PNLIPRP3: variants seen among roughly 807,000 people sequenced by gnomAD.
PNLIPRP3 encodes pancreatic lipase-related protein 3.
A neutral mutation model predicts 52.8 loss-of-function variants in PNLIPRP3; 58 were observed. That is an observed-to-expected ratio of 1.10 (90% confidence interval 0.89 to 1.37). The LOEUF (loss-of-function observed/expected upper bound fraction) is 1.37. Among genes scored for constraint, PNLIPRP3 ranks in the 40% most tolerant of loss-of-function variants. The pLI is 0.00. For missense variants in PNLIPRP3, 593 were observed against 561.6 expected, an observed-to-expected ratio of 1.06 and a Z score of -0.57; for synonymous variants, 192 against 185.0, an observed-to-expected ratio of 1.04 and a Z score of -0.31.
At chr10:116,428,150 A>G (rs1351690801) in intron 1 of PNLIPRP3, 89 bp downstream of exon 1, 1 of 927,774 alleles carries the variant, frequency 1.1e-6, no homozygotes, top group African/African-American at 1.7e-5. Context: ...TTCTTTAGAA[A>G]TTACTATTGC....
intron 4 of PNLIPRP3, among the ~76,000 whole-genome samples, chr10:116,453,436 T>C (rs960523398): frequency 1.3e-5 from 2 of 152,126 alleles, no homozygotes; most frequent in African/African-American, 2.4e-5. Context: ...GATTGTATTT[T>C]GCAATGTGAA....
intron 8 of PNLIPRP3, among the ~76,000 whole-genome samples, chr10:116,466,540 C>G (rs1846284620): frequency 1.3e-5 from 2 of 152,146 alleles, no homozygotes; most frequent in Non-Finnish European, 2.9e-5. Context: ...CTGAACCAAT[C>G]AATAGCTACA....
At chr10:116,469,580 C>T (rs1589990993) in intron 9 of PNLIPRP3, among the ~76,000 whole-genome samples, 2 of 152,072 alleles carry the variant, frequency 1.3e-5, no homozygotes, top group African/African-American at 2.4e-5. Flanking sequence ...GAGAGCCTTT[C>T]GAGGAAAAGA....
chr10:116,462,052 A>C (rs1335329524), intron 7 of PNLIPRP3, among the ~76,000 whole-genome samples: 1 of 152,178 alleles, frequency 6.6e-6, no homozygotes, highest in East Asian at 1.9e-4. Context: ...TTTCACTCAA[A>C]TGAGATAGGA....
chr10:116,461,071 T>C lies in PNLIPRP3; in HGVS notation c.671T>C (p.Ile224Thr). 6.2e-7 allele frequency: 1 copy of C among 1,614,192 alleles called. No individual in the cohort carries two copies. Among genetic ancestry groups the C allele is most frequent in the Non-Finnish European group, 8.5e-7 (1 of 1,180,034 alleles). Reference protein sequence around the residue: ...VDVIHTNAARILFELGVGTID... With the variant: ...VDVIHTNAARTLFELGVGTID... ...GTTATTCATACAAATGCAGCTCGCA[T>C]CCTCTTTGAGCTTGGTAAGTTTTAA... is the stretch of plus-strand genomic sequence containing the variant. The change falls in exon 6 of 12, where the codon ATC becomes ACC. Residue 224 changes from isoleucine to threonine, a missense_variant. Ile to Thr is a moderately conservative substitution (Grantham distance 89). Transcript: ENST00000369230.
In PNLIPRP3 at chr10:116,471,756, C is replaced by G. The variant is rs774330560; in HGVS notation, c.1061-12C>G. ...CTTTCTCTCCCTTTCCTTCTTGTTT[C>G]CTTATATCTAGGTTGGAGGCACAAA... On this transcript the variant is annotated splice_polypyrimidine_tract_variant and intron_variant, in intron 9 of 11. Transcript: ENST00000369230. 2 of 1,563,702 alleles carry G rather than the reference C, an allele frequency of 1.3e-6. No homozygotes were observed. Among genetic ancestry groups the G allele is most frequent in the African/African-American group, 1.4e-5 (1 of 73,326 alleles).
intron 9 of PNLIPRP3, among the ~76,000 whole-genome samples, chr10:116,470,509 AT>A (rs1846351653): frequency 1.1e-5 from 1 of 89,614 alleles, no homozygotes; most frequent in Non-Finnish European, 2.1e-5. Flanking sequence ...ATATATATAT[AT>A]ATAATTTTTT....
At position 116,473,850 on chromosome 10, in the gene PNLIPRP3, C is replaced by T. The variant is rs186276944; in HGVS notation, c.1172+1971C>T. On this transcript the variant is annotated intron_variant, in intron 10 of 11. Transcript: ENST00000369230. ...TGCTAAATTTCTAATAGGCTATCTA[C>T]GCCCAAAGCAATTTATAGATTCAAT... Among the ~76,000 whole-genome samples the T allele has an allele frequency of 1.4e-3, 213 of 151,378 alleles. 1 individual carries two copies. Among genetic ancestry groups the T allele is most frequent in the African/African-American group, 1.2e-3 (50 of 41,246 alleles).
rs1418423570 is a variant in PNLIPRP3 at position 116,439,540 on chromosome 10, G to A, written c.204+2675G>A. On this transcript the variant is annotated intron_variant, in intron 2 of 11. Coordinates refer to ENST00000369230, the MANE Select transcript of PNLIPRP3 (RefSeq NM_001011709.3). ...TTTTTCCGGGCAACTTTAGCAGGAC[G>A]CTTTGCGCCATCAAACTTTACTTTC... 6.0e-6 allele frequency: 5 copies of A among 830,490 alleles called. 1 individual carries two copies. Among genetic ancestry groups the A allele is most frequent in the South Asian group, 2.7e-5 (2 of 73,174 alleles). 51.4% of individuals were successfully genotyped at this position (830,490 alleles called of 1,614,324 possible). A position where few individuals can be genotyped will look rare whatever the true frequency, so the allele number is the denominator to read the frequency against.
intron 2 of PNLIPRP3, 142 bp downstream of exon 2, chr10:116,437,007 C>T: frequency 1.2e-6 from 1 of 823,324 alleles, no homozygotes; most frequent in East Asian, 2.7e-5. Context: ...TATTATGAGT[C>T]AGATTTTTTC....
At chr10:116,449,966 T>C (rs1171941754) in intron 4 of PNLIPRP3, among the ~76,000 whole-genome samples, 1 of 152,000 alleles carries the variant, frequency 6.6e-6, no homozygotes, top group African/African-American at 2.4e-5. Context: ...TACACAAATA[T>C]GTGCAAATTA....
At chr10:116,462,981 C>T (rs996388099) in intron 7 of PNLIPRP3, among the ~76,000 whole-genome samples, 2 of 152,048 alleles carry the variant, frequency 1.3e-5, no homozygotes, top group African/African-American at 4.8e-5. Context: ...ACTAACAAAC[C>T]ATTACTTTTA....
intron 4 of PNLIPRP3, among the ~76,000 whole-genome samples, chr10:116,452,541 C>T (rs1207182593): frequency 2.0e-5 from 3 of 152,240 alleles, no homozygotes; most frequent in African/African-American, 4.8e-5. Flanking sequence ...CATCACAAGC[C>T]CAGATGTCTA....
At chr10:116,450,641 C>T (rs1476407617) in intron 4 of PNLIPRP3, among the ~76,000 whole-genome samples, 4 of 151,900 alleles carry the variant, frequency 2.6e-5, no homozygotes. Context: ...ATTGAGACCA[C>T]AGAAATAAAA....
rs1160823383 is a variant in PNLIPRP3 at position 116,455,841 on chromosome 10, C to A, written c.565+11C>A. On this transcript the variant is annotated intron_variant, in intron 5 of 11. Coordinates refer to ENST00000369230, the MANE Select transcript of PNLIPRP3 (RefSeq NM_001011709.3). The stretch of plus-strand genomic sequence containing the variant: ...TTGGAAGAATAACTGGTAAGCATGC[C>A]CTGCAGTTGGGCCTTGAGTGTGTTT... 2 of 1,593,466 alleles carry A rather than the reference C, an allele frequency of 1.3e-6. No homozygotes were observed. Among genetic ancestry groups the A allele is most frequent in the South Asian group, 2.2e-5 (2 of 90,432 alleles).
chr10:116,443,868 T>C (rs1845902403), intron 3 of PNLIPRP3, among the ~76,000 whole-genome samples: 1 of 144,828 alleles, frequency 6.9e-6, no homozygotes, highest in East Asian at 2.1e-4. Flanking sequence ...CGTATATATA[T>C]GGGTTAGGAC....
At chr10:116,471,621 C>G (rs1846372423) in intron 9 of PNLIPRP3, 147 bp from the exon 10 acceptor site, 1 of 575,602 alleles carries the variant, frequency 1.7e-6, no homozygotes, top group Non-Finnish European at 3.1e-6. Flanking sequence ...TTCACTGAAA[C>G]TAAAGTTGTA....
chr10:116,452,789 A>G (rs1846057015), intron 4 of PNLIPRP3, among the ~76,000 whole-genome samples: 1 of 152,244 alleles, frequency 6.6e-6, no homozygotes, highest in Non-Finnish European at 1.5e-5. Context: ...GCTTCCACCT[A>G]GATTTCAGAG....
intron 1 of PNLIPRP3, among the ~76,000 whole-genome samples, chr10:116,429,641 C>A (rs1372557174): frequency 6.6e-6 from 1 of 152,172 alleles, no homozygotes; most frequent in African/African-American, 2.4e-5. Context: ...ATTTCAAGAA[C>A]TATATTCTAT....
Sources: allele counts gnomAD v4.1 joint callset (sites outside exome capture counted in the v4.1 genomes callset), GRCh38; gene constraint gnomAD v4.1.1; transcripts MANE v1.5; gene names NCBI Gene and HGNC (gene_info 2026-07-23, HGNC 2026-07-21).